Variants in MYLK observed in about 807,000 individuals in gnomAD.
MYLK encodes myosin light chain kinase, also known as myosin light chain kinase, smooth muscle.
In MYLK, 106 loss-of-function variants were observed where a neutral mutation model predicts 203.4. The ratio of observed to expected loss-of-function variants is 0.52; its 90% CI spans 0.45 to 0.61. The LOEUF (loss-of-function observed/expected upper bound fraction) is 0.61, where lower values mean the gene tolerates loss of function less well. Ranked by LOEUF, MYLK falls within the 20% of genes least tolerant of loss-of-function variation. The pLI, the probability that MYLK is intolerant of heterozygous loss-of-function variation, is 0.00. For missense variants in MYLK, 2,072 were observed against 2,442.3 expected (o/e 0.85, Z 3.20); for synonymous variants, 867 against 959.5 (o/e 0.90, Z 1.78).
At position 123,629,541 on chromosome 3, in the gene MYLK, C is replaced by G; in HGVS notation, c.5047G>C (p.Glu1683Gln). ...VTSATWDFDD[E>Q]AFDEISDDAK... ...TCGTCGGAGATCTCATCGAATGCCT[C>G]GTCGTCGAAGTCCCAGGTGGCTGAG... is the stretch of plus-strand genomic sequence containing the variant. The change falls in exon 30 of 34, where the codon GAG (glutamate) becomes CAG (glutamine). Residue 1683 changes from glutamate to glutamine, a missense_variant. Coordinates refer to ENST00000360304, the MANE Select transcript of MYLK (RefSeq NM_053025.4). This position sits in a 1 kb window ranked among gnomAD's most constrained non-coding sequence, Gnocchi z 4.4. 6.2e-7 allele frequency: 1 copy of G among 1,614,194 alleles called. No individual in the cohort carries two copies. The highest frequency in any genetic ancestry group is 8.5e-7 in the Non-Finnish European group (1 of 1,180,038).
chr3:123,628,951 G>A lies in MYLK; in HGVS notation c.5114+523C>T, dbSNP rs60530837. ...TTGGCCAGATGTTAGAACGTACCTG[G>A]CTGTATTCAAGCAGGCAGTTATTAA... On this transcript the variant is annotated intron_variant, in intron 30 of 33. Transcript: ENST00000360304. Among the ~76,000 whole-genome samples, 3,366 of 152,278 alleles carry A rather than the reference G, an allele frequency of 0.022. 189 individuals carry two copies. The East Asian group carries it at 0.23, about 10-fold the overall frequency.
At chr3:123,638,870 A>G in intron 28 of MYLK, 3 of 985,456 alleles carry the variant, frequency 3.0e-6, no homozygotes, top group Non-Finnish European at 3.6e-6. Context: ...GTCTGTTAAT[A>G]TGTGCAAAAG....
At chr3:123,659,853 G>A (rs1227228395) in intron 23 of MYLK, among the ~76,000 whole-genome samples, 1 of 152,176 alleles carries the variant, frequency 6.6e-6, no homozygotes, top group African/African-American at 2.4e-5. Context: ...AACAGAATAG[G>A]AAACTCAGCT....
In MYLK at chr3:123,763,564, C is replaced by T. The variant is rs77577787; in HGVS notation, c.166-11026G>A. 3.3e-5 allele frequency among the ~76,000 whole-genome samples: 5 copies of T among 152,286 alleles called. No individual in the cohort carries two copies. In the East Asian group the frequency reaches 9.6e-4, roughly 29 times the overall value. On this transcript the variant is annotated intron_variant, in intron 4 of 33. Transcript: ENST00000360304. ...CTGGAGATGGAATTTTAAGTGGAAA[C>T]CTTTTTTTTTCTTCAGAACTCTGAA...
At chr3:123,850,868 A>G (rs2030706667) in intron 2 of MYLK, among the ~76,000 whole-genome samples, 1 of 152,150 alleles carries the variant, frequency 6.6e-6, no homozygotes, top group Non-Finnish European at 1.5e-5. Flanking sequence ...TAGGGTTTTT[A>G]TGGTTTTAGG....
Position 123,737,537 on chromosome 3 carries a change from C to T in MYLK, c.595G>A (p.Val199Ile). The T allele has an allele frequency of 6.2e-7, 1 of 1,614,168 alleles. No individual in the cohort carries two copies. The highest frequency in any genetic ancestry group is 1.1e-5 in the South Asian group (1 of 91,074). Reference protein sequence around the residue: ...QPQVTWLKGNVPLQPSARVSV... With the variant: ...QPQVTWLKGNIPLQPSARVSV... ...ACACGGGCACTCGGCTGCAGTGGAA[C>T]ATTTCCCTGTGGATGGCAATGGGGT... Residue 199 changes from valine (V) to isoleucine (I), a missense_variant, in exon 8 of 34, where the codon GTT becomes ATT. By Grantham distance (29) the Val-to-Ile change is conservative. Transcript: ENST00000360304.
chr3:123,717,978 C>T (rs1173606576), intron 13 of MYLK, among the ~76,000 whole-genome samples: 1 of 151,876 alleles, frequency 6.6e-6, no homozygotes, highest in Non-Finnish European at 1.5e-5. Flanking sequence ...CCTCCTGCCT[C>T]AGCCTCCTGA....
chr3:123,795,661 G>T (rs568119453), intron 3 of MYLK, among the ~76,000 whole-genome samples: 1 of 152,330 alleles, frequency 6.6e-6, no homozygotes, highest in East Asian at 1.9e-4. Context: ...TACACCCAAA[G>T]TGTCCCTGTC....
At chr3:123,703,481 C>T (rs988624781) in intron 16 of MYLK, among the ~76,000 whole-genome samples, 2 of 152,206 alleles carry the variant, frequency 1.3e-5, no homozygotes, top group Non-Finnish European at 2.9e-5. Context: ...CCTCAATGCT[C>T]AGACTGTCAG....
chr3:123,668,514 G>A (rs1266796525), intron 20 of MYLK, among the ~76,000 whole-genome samples: 1 of 151,938 alleles, frequency 6.6e-6, no homozygotes, highest in African/African-American at 2.4e-5. Context: ...GTAGGGTGGG[G>A]GAGGGGTGGG....
rs766180911 is a variant in MYLK at position 123,692,772 on chromosome 3, A to G, written c.3528T>C (p.Ala1176=). ...GLYKCVAKND[A]GQAECSCQVT... ...CTTGGCAGGAGCACTCCGCCTGGCC[A>G]GCGTCATTCTTGGCTACACACTTGT... Residue 1176 remains alanine (A), a synonymous_variant, in exon 19 of 34, where the codon GCT becomes GCC. Coordinates refer to ENST00000360304, the MANE Select transcript of MYLK (RefSeq NM_053025.4). 19 of 1,613,916 alleles carry G rather than the reference A, an allele frequency of 1.2e-5. No individual in the cohort carries two copies. Among genetic ancestry groups the G allele is most frequent in the African/African-American group, 2.7e-5 (2 of 74,900 alleles).
intron 20 of MYLK, among the ~76,000 whole-genome samples, chr3:123,668,909 A>C (rs1017594842): frequency 2.0e-5 from 3 of 152,192 alleles, no homozygotes; most frequent in African/African-American, 7.2e-5. Flanking sequence ...TCACTGCTGT[A>C]TATCAATGGG....
chr3:123,666,231 C>A lies in MYLK; in HGVS notation c.3819G>T (p.Lys1273Asn). 3 of 1,614,262 alleles carry A rather than the reference C, an allele frequency of 1.9e-6. No homozygotes were observed. The highest frequency in any genetic ancestry group is 2.5e-6 in the Non-Finnish European group (3 of 1,180,048). Residue 1273 changes from lysine to asparagine, a missense_variant, in exon 22 of 34, where the codon AAG (lysine) becomes AAT (asparagine). Physicochemically the swap from Lys to Asn is moderately conservative, Grantham distance 94. Around this residue, in one of 3 missense-constraint regions of MYLK, gnomAD observed 865 missense variants for 1,016.0 expected, o/e 0.85. Transcript: ENST00000360304. Reference protein sequence around the residue: ...GTQPITCTWMKFRKQIQESEH... With the variant: ...GTQPITCTWMNFRKQIQESEH... ...TACCGTCACTGACCTGCTTTCGGAA[C>A]TTCATCCAGGTACAGGTGATGGGCT... is the stretch of plus-strand genomic sequence containing the variant.
intron 5 of MYLK, among the ~76,000 whole-genome samples, chr3:123,746,652 T>C (rs140288118): frequency 6.6e-6 from 1 of 152,364 alleles, no homozygotes; most frequent in African/African-American, 2.4e-5. Context: ...GTAAGGCTGC[T>C]TCTGCAAAGG....
Position 123,657,377 on chromosome 3 carries a change from G to A in MYLK, c.4037C>T (p.Ser1346Phe), listed in dbSNP as rs1443386256. Residue 1346 changes from serine (S) to phenylalanine (F), a missense_variant, in exon 24 of 34, where the codon TCC becomes TTC. By Grantham distance (155) the Ser-to-Phe change is radical. Transcript: ENST00000360304. ...GTPCASDIRS[S>F]SLTLSWYGSS... ...GCCATACCAGGACAGGGTCAGTGAG[G>A]AGCTCCGAATGTCAGAGGCACAAGG... 4 of 1,613,956 alleles carry A rather than the reference G, an allele frequency of 2.5e-6. No homozygotes were observed. The highest frequency in any genetic ancestry group is 8.5e-7 in the Non-Finnish European group (1 of 1,180,044).
chr3:123,671,001 C>A (rs116373558), intron 20 of MYLK, among the ~76,000 whole-genome samples: 26 of 152,362 alleles, frequency 1.7e-4, no homozygotes, highest in African/African-American at 6.3e-4. Context: ...CTTTCCAGCT[C>A]TTGCGGGACA....
chr3:123,882,221 A>G (rs2033590835), intron 1 of MYLK, among the ~76,000 whole-genome samples: 1 of 152,074 alleles, frequency 6.6e-6, no homozygotes, highest in African/African-American at 2.4e-5. Context: ...TTAGACTAGT[A>G]TGGACAACAT....
chr3:123,857,109 A>G (rs1210865016), intron 2 of MYLK, among the ~76,000 whole-genome samples: 1 of 152,076 alleles, frequency 6.6e-6, no homozygotes, highest in African/African-American at 2.4e-5. Flanking sequence ...ACCATCTCAC[A>G]CCAGTTAGAA....
intron 13 of MYLK, among the ~76,000 whole-genome samples, chr3:123,718,031 TTTGTGTTTTTTGTGGAGACGGTGTG>T (rs1352908206): frequency 4.6e-5 from 7 of 152,018 alleles, no homozygotes; most frequent in African/African-American, 1.7e-4. Context: ...CCGGCTAATT[TTTGTGTTTTTTGTGGAGACGGTGTG>T]TTGCCGTGTT....
Sources: gnomAD v4.1 joint callset for allele counts (sites outside exome capture counted in the v4.1 genomes callset) on GRCh38, gnomAD v4.1.1 for gene constraint, gnomAD v4.1.1 regional missense constraint, Gnocchi (gnomAD v3.1) non-coding constraint, MANE v1.5 for transcripts, NCBI Gene and HGNC (gene_info 2026-07-23, HGNC 2026-07-21) for gene names.